The following MINK1 variants were observed in gnomAD, a reference collection of about 807,000 sequenced individuals.
The protein encoded by MINK1 is misshapen-like kinase 1.
MINK1 carries 46 observed loss-of-function variants against 178.4 expected under a neutral mutation model. The observed-to-expected ratio is 0.26, with a 90% CI of 0.20 to 0.33. MINK1 has a LOEUF of 0.33. MINK1 is among the 10% of genes least tolerant of loss of function. MINK1 has a pLI of 1.00. For missense variants in MINK1, 1,366 were observed against 1,814.9 expected, an observed-to-expected ratio of 0.75 and a Z score of 4.49; for synonymous variants, 797 against 709.7, an observed-to-expected ratio of 1.12 and a Z score of -1.96.
chr17:4,881,561 T>C (rs181653948), intron 4 of MINK1, among the ~76,000 whole-genome samples: 1 of 152,268 alleles, frequency 6.6e-6, no homozygotes, highest in East Asian at 1.9e-4. Flanking sequence ...TAAATAAATA[T>C]AATCCTGGCA....
chr17:4,884,562 AGACATCACTGCCC>A, intron 5 of MINK1, 89 bp downstream of exon 5: 9 of 971,538 alleles, frequency 9.3e-6, no homozygotes, highest in Non-Finnish European at 1.5e-5. Context: ...CGCTGGGAGG[AGACATCACTGCCC>A]TCTTTAGGGA....
chr17:4,891,182 A>G (rs1968753862), intron 15 of MINK1, 58 bp downstream of exon 15: 2 of 1,335,956 alleles, frequency 1.5e-6, no homozygotes. Flanking sequence ...TTCAGAGCAC[A>G]GGTACACACA....
intron 1 of MINK1, among the ~76,000 whole-genome samples, chr17:4,864,085 G>A (rs916355294): frequency 5.9e-5 from 9 of 152,016 alleles, no homozygotes; most frequent in East Asian, 3.9e-4. Flanking sequence ...CACCTTGCCC[G>A]GCCTAGCTGT....
intron 1 of MINK1, among the ~76,000 whole-genome samples, chr17:4,845,622 C>T (rs925389295): frequency 2.0e-5 from 3 of 151,884 alleles, no homozygotes; most frequent in Non-Finnish European, 2.9e-5. Flanking sequence ...CAAAGCATGA[C>T]CTGGAATTGA....
intron 1 of MINK1, among the ~76,000 whole-genome samples, chr17:4,847,955 G>A (rs1911290615): frequency 6.6e-6 from 1 of 152,138 alleles, no homozygotes; most frequent in Non-Finnish European, 1.5e-5. Flanking sequence ...GCAGAGGTGG[G>A]TGGAGTGCTT....
At chr17:4,841,760 T>A (rs1402492028) in intron 1 of MINK1, among the ~76,000 whole-genome samples, 1 of 152,058 alleles carries the variant, frequency 6.6e-6, no homozygotes, top group Admixed American at 6.6e-5. Flanking sequence ...TCTAAGTATG[T>A]CTGTGACTGG....
intron 1 of MINK1, among the ~76,000 whole-genome samples, chr17:4,877,161 CTT>C (rs980702359): frequency 1.3e-5 from 2 of 151,832 alleles, no homozygotes; most frequent in Non-Finnish European, 2.9e-5. Flanking sequence ...CTGTATCTCT[CTT>C]CAGCTTGCAG....
In MINK1 at chr17:4,887,590, A is replaced by T; in HGVS notation, c.1030A>T (p.Asn344Tyr). 6.5e-7 allele frequency: 1 copy of T among 1,531,854 alleles called. No individual in the cohort carries two copies. The highest frequency in any genetic ancestry group is 8.8e-7 in the Non-Finnish European group (1 of 1,140,804). The allele number at this position is 1,531,854 out of a possible 1,614,324, so 94.9% of individuals were successfully genotyped here. A position where few individuals can be genotyped will look rare whatever the true frequency, so the allele number is the denominator to read the frequency against. ...GEEGEPSSIM[N>Y]VPGESTLRRE... ...GCCACCCCTGCCCAGCTCCATCATG[A>T]ACGTGCCTGGAGAGTCGACTCTACG... is the stretch of plus-strand genomic sequence containing the variant. Residue 344 changes from asparagine (N) to tyrosine (Y), a missense_variant, in exon 12 of 32, where the codon AAC becomes TAC. This residue lies in a region of MINK1 where 56 missense variants were observed against 64.0 expected (regional missense o/e 0.87). Coordinates refer to ENST00000355280, the MANE Select transcript of MINK1 (RefSeq NM_153827.5). The surrounding 1 kb of genome is among the most constrained non-coding windows in gnomAD (Gnocchi z 7.6).
intron 1 of MINK1, among the ~76,000 whole-genome samples, chr17:4,871,709 G>C (rs1324350995): frequency 6.6e-6 from 1 of 152,190 alleles, no homozygotes; most frequent in East Asian, 1.9e-4. Flanking sequence ...ATGGCTGAGT[G>C]ATATGATAAC....
In MINK1 at chr17:4,848,603, G is replaced by A. The variant is rs1190604670; in HGVS notation, c.57+14963G>A. The stretch of plus-strand genomic sequence containing the variant: ...TCTCCATCTCCTGACCTCGTGATCC[G>A]CCTGCCTCGGCCTCCCAAAGTGCTG... On this transcript the variant is annotated intron_variant, in intron 1 of 31. Transcript: ENST00000355280. Among the ~76,000 whole-genome samples the A allele has an allele frequency of 5.3e-5, 8 of 152,104 alleles. No homozygotes were observed. In the South Asian group the frequency reaches 6.2e-4, roughly 12 times the overall value.
At chr17:4,888,404 G>T (rs1968422996) in intron 12 of MINK1, among the ~76,000 whole-genome samples, 1 of 152,034 alleles carries the variant, frequency 6.6e-6, no homozygotes, top group Non-Finnish European at 1.5e-5. Context: ...GGAGTCGGAG[G>T]ATGGGGGCGG....
chr17:4,859,126 G>T, intron 1 of MINK1: 1 of 985,406 alleles, frequency 1.0e-6, no homozygotes, highest in Non-Finnish European at 1.2e-6. Flanking sequence ...TCATTGCTGG[G>T]CTCGAAGCAC....
At chr17:4,843,006 T>G (rs1910484221) in intron 1 of MINK1, among the ~76,000 whole-genome samples, 1 of 152,208 alleles carries the variant, frequency 6.6e-6, no homozygotes, top group African/African-American at 2.4e-5. Flanking sequence ...CACAGCTCGC[T>G]GTTTCCCAGT....
Position 4,836,643 on chromosome 17 carries a change from C to G in MINK1, c.57+3003C>G, listed in dbSNP as rs757567342. On this transcript the variant is annotated intron_variant, in intron 1 of 31. Coordinates refer to ENST00000355280, the MANE Select transcript of MINK1 (RefSeq NM_153827.5). The surrounding 1 kb of genome is among the most constrained non-coding windows in gnomAD (Gnocchi z 4.3). ...GCAGAGTTGCTGAGGATTAAATGCA[C>G]GTTAAGTACATAGTACAGTTCCCAG... Among the ~76,000 whole-genome samples the G allele has an allele frequency of 6.6e-6, 1 of 152,072 alleles. No homozygotes were observed. Among genetic ancestry groups the G allele is most frequent in the Admixed American group, 6.6e-5 (1 of 15,254 alleles).
At chr17:4,892,117 C>A in intron 16 of MINK1, 32 bp from the exon 17 acceptor site, 1 of 1,541,816 alleles carries the variant, frequency 6.5e-7, no homozygotes, top group Non-Finnish European at 8.8e-7. Flanking sequence ...TGTCGCAGCG[C>A]CAGCTCGCAG....
Position 4,894,757 on chromosome 17 carries a change from C to A in MINK1, c.2917+124C>A. On this transcript the variant is annotated intron_variant, in intron 24 of 31. Coordinates refer to ENST00000355280, the MANE Select transcript of MINK1 (RefSeq NM_153827.5). The surrounding 1 kb of genome is among the most constrained non-coding windows in gnomAD (Gnocchi z 4.1). ...ACAGGACCTCTCCCTTGGGCCCTAG[C>A]ACCTGCCTGGGCACAGAGGCAAGGA... The A allele has an allele frequency of 1.3e-6, 1 of 768,790 alleles. No individual in the cohort carries two copies. Among genetic ancestry groups the A allele is most frequent in the South Asian group, 1.6e-5 (1 of 61,086 alleles). The allele number at this position is 768,790 out of a possible 1,614,324, so 47.6% of individuals were successfully genotyped here.
At chr17:4,839,938 AATGTGT>A (rs945776258) in intron 1 of MINK1, among the ~76,000 whole-genome samples, 8 of 102,394 alleles carry the variant, frequency 7.8e-5, no homozygotes, top group East Asian at 3.3e-4. Flanking sequence ...ATTATTTATT[AATGTGT>A]GTGTGTGTGT....
At chr17:4,890,212 CG>C in intron 13 of MINK1, 1 of 1,229,216 alleles carries the variant, frequency 8.1e-7, no homozygotes, top group Non-Finnish European at 1.0e-6. Flanking sequence ...CCCCACACCC[CG>C]TCCCCCAGGA....
At chr17:4,877,479 G>A (rs972234306) in intron 1 of MINK1, among the ~76,000 whole-genome samples, 3 of 152,194 alleles carry the variant, frequency 2.0e-5, no homozygotes, top group Non-Finnish European at 2.9e-5. Context: ...GAAGCCCTCA[G>A]TCTCAGGGGG....
Sources: gnomAD v4.1 joint callset for allele counts (sites outside exome capture counted in the v4.1 genomes callset) on GRCh38, gnomAD v4.1.1 for gene constraint, gnomAD v4.1.1 regional missense constraint, Gnocchi (gnomAD v3.1) non-coding constraint, MANE v1.5 for transcripts, NCBI Gene and HGNC (gene_info 2026-07-23, HGNC 2026-07-21) for gene names.